The following SPOCK1 variants were observed in gnomAD, a reference collection of about 807,000 sequenced individuals.
SPOCK1 encodes SPARC (osteonectin), cwcv and kazal like domains proteoglycan 1, also known as testican-1.
A neutral mutation model predicts 55.3 loss-of-function variants in SPOCK1; 23 were observed. That is an observed-to-expected ratio of 0.42 (90% CI 0.30 to 0.59). SPOCK1 has a LOEUF of 0.59. Among genes scored for constraint, SPOCK1 ranks in the 20% least tolerant of loss-of-function variants. SPOCK1 has a pLI of 0.22. For missense variants in SPOCK1, 499 were observed against 552.5 expected (o/e 0.90, Z 0.97); for synonymous variants, 226 against 221.0 (o/e 1.02, Z -0.20).
chr5:137,489,433 TAGGAGCTCTA>T (rs1251031543), intron 2 of SPOCK1, among the ~76,000 whole-genome samples: 1 of 152,120 alleles, frequency 6.6e-6, no homozygotes, highest in Non-Finnish European at 1.5e-5. Context: ...GTAGGAACTG[TAGGAGCTCTA>T]AAGCCCAGGA....
intron 2 of SPOCK1, among the ~76,000 whole-genome samples, chr5:137,281,984 C>T (rs919980202): frequency 6.6e-6 from 1 of 152,152 alleles, no homozygotes; most frequent in Non-Finnish European, 1.5e-5. Context: ...GTTTCTATTG[C>T]CATTGCCTAA....
chr5:137,453,238 A>C (rs1482031431), intron 2 of SPOCK1, among the ~76,000 whole-genome samples: 1 of 152,240 alleles, frequency 6.6e-6, no homozygotes, highest in Non-Finnish European at 1.5e-5. Context: ...TGCTAATGGT[A>C]CCAGAAGTAC....
intron 6 of SPOCK1, among the ~76,000 whole-genome samples, chr5:137,063,058 C>CG (rs5871618): frequency 5.9e-4 from 1 of 1,688 alleles, no homozygotes; most frequent in Non-Finnish European, 0.014. Context: ...CAAGGTGAAA[C>CG]CCGTCTCTAC....
At chr5:137,356,797 TAATATATATATA>T (rs1366466328) in intron 2 of SPOCK1, among the ~76,000 whole-genome samples, 23 of 24,370 alleles carry the variant, frequency 9.4e-4, no homozygotes, top group East Asian at 5.0e-3. Flanking sequence ...TCAAAAAAAA[TAATATATATATA>T]TATATATATA....
chr5:137,154,802 C>T (rs1407055551), intron 3 of SPOCK1, among the ~76,000 whole-genome samples: 1 of 152,212 alleles, frequency 6.6e-6, no homozygotes, highest in Non-Finnish European at 1.5e-5. Context: ...GAACAATCTG[C>T]ACAGAAACCA....
chr5:137,488,400 C>T (rs996378579), intron 2 of SPOCK1, among the ~76,000 whole-genome samples: 1 of 152,142 alleles, frequency 6.6e-6, no homozygotes. Flanking sequence ...ATCACCTGGA[C>T]TGCTCATTTA....
chr5:137,335,259 T>C (rs566635725), intron 2 of SPOCK1, among the ~76,000 whole-genome samples: 4 of 152,298 alleles, frequency 2.6e-5, no homozygotes, highest in African/African-American at 7.2e-5. Flanking sequence ...TATGGGGAAA[T>C]ACAGGTTAAA....
At chr5:137,404,875 C>T (rs1752062003) in intron 2 of SPOCK1, among the ~76,000 whole-genome samples, 1 of 152,174 alleles carries the variant, frequency 6.6e-6, no homozygotes, top group Admixed American at 6.5e-5. Flanking sequence ...ACTGCATCAG[C>T]ACCACCCACA....
At chr5:137,346,229 C>T (rs376596219) in intron 2 of SPOCK1, among the ~76,000 whole-genome samples, 1 of 152,138 alleles carries the variant, frequency 6.6e-6, no homozygotes, top group Non-Finnish European at 1.5e-5. Context: ...CCAGGAAGAC[C>T]GGGAAGTTGC....
chr5:137,260,338 T>C (rs1223055977), intron 3 of SPOCK1, among the ~76,000 whole-genome samples: 2 of 152,178 alleles, frequency 1.3e-5, no homozygotes, highest in South Asian at 2.1e-4. Flanking sequence ...TGTGATATAT[T>C]AATACAATAG....
chr5:137,256,644 G>C (rs942900015), intron 3 of SPOCK1, among the ~76,000 whole-genome samples: 8 of 152,192 alleles, frequency 5.3e-5, no homozygotes, highest in Non-Finnish European at 7.4e-5. Flanking sequence ...ACATGCTTGT[G>C]GGGGGAACAC....
intron 3 of SPOCK1, among the ~76,000 whole-genome samples, chr5:137,161,980 A>G (rs1239689876): frequency 3.3e-5 from 5 of 152,162 alleles, no homozygotes; most frequent in African/African-American, 1.2e-4. Context: ...GTGAATTCAG[A>G]TCCCCAGCAA....
intron 2 of SPOCK1, among the ~76,000 whole-genome samples, chr5:137,412,403 G>C (rs1752225471): frequency 6.6e-6 from 1 of 152,198 alleles, no homozygotes; most frequent in Admixed American, 6.5e-5. Context: ...CCTGAAAAAG[G>C]CAATTCATGG....
chr5:136,979,544 G>A, intron 9 of SPOCK1, 75 bp from the exon 10 acceptor site: 10 of 1,539,614 alleles, frequency 6.5e-6, no homozygotes, highest in Non-Finnish European at 7.9e-6. Flanking sequence ...TCAACACAGG[G>A]AAGAGGGCTC....
chr5:137,326,270 T>A (rs533317306), intron 2 of SPOCK1, among the ~76,000 whole-genome samples: 3 of 147,188 alleles, frequency 2.0e-5, no homozygotes, highest in Admixed American at 1.4e-4. Context: ...AGGTACCTAC[T>A]TCTGCATCCA....
At chr5:137,041,296 C>A (rs1751992040) in intron 6 of SPOCK1, among the ~76,000 whole-genome samples, 1 of 152,144 alleles carries the variant, frequency 6.6e-6, no homozygotes, top group African/African-American at 2.4e-5. Flanking sequence ...TGAACCTAGT[C>A]AGAGACCTTC....
chr5:137,417,432 C>T (rs577551569), intron 2 of SPOCK1, among the ~76,000 whole-genome samples: 29 of 148,194 alleles, frequency 2.0e-4, no homozygotes, highest in Non-Finnish European at 4.2e-4. Context: ...TGACTTTTGA[C>T]ATTCACATAC....
intron 2 of SPOCK1, among the ~76,000 whole-genome samples, chr5:137,321,243 A>T (rs1757977652): frequency 6.6e-6 from 1 of 151,904 alleles, no homozygotes; most frequent in Non-Finnish European, 1.5e-5. Context: ...CTACTATGGG[A>T]CACCACAGAG....
Position 137,067,837 on chromosome 5 carries a change from A to G in SPOCK1, c.475-8T>C. ...ATGGAACTCCAATTTGCACTGCAAA[A>G]GAGAGACACAACAGGTCTTAAGAAT... On this transcript the variant is annotated splice_region_variant and splice_polypyrimidine_tract_variant and intron_variant, in intron 5 of 10. Coordinates refer to ENST00000394945, the MANE Select transcript of SPOCK1 (RefSeq NM_004598.4). The G allele has an allele frequency of 7.4e-6, 12 of 1,610,870 alleles. No individual in the cohort carries two copies. Among genetic ancestry groups the G allele is most frequent in the Non-Finnish European group, 1.0e-5 (12 of 1,177,062 alleles).
Sources: allele counts gnomAD v4.1 joint callset (sites outside exome capture counted in the v4.1 genomes callset), GRCh38; gene constraint gnomAD v4.1.1; transcripts MANE v1.5; gene names NCBI Gene and HGNC (gene_info 2026-07-23, HGNC 2026-07-21).